Variants in KLHL5 observed in about 807,000 individuals in gnomAD.
KLHL5 encodes the protein kelch-like protein 5.
KLHL5 carries 48 observed loss-of-function variants against 77.7 expected under a neutral mutation model. The ratio of observed to expected loss-of-function variants is 0.62; its 90% CI spans 0.49 to 0.79. The LOEUF (loss-of-function observed/expected upper bound fraction) is 0.79, where lower values mean the gene tolerates loss of function less well. KLHL5 is among the 30% of genes least tolerant of loss of function. KLHL5 has a pLI of 0.00. For synonymous variants in KLHL5, 260 were observed against 297.0 expected, an observed-to-expected ratio of 0.88 and a Z score of 1.28; for missense variants, 723 against 859.7, an observed-to-expected ratio of 0.84 and a Z score of 1.99.
chr4:39,099,449 A>G (rs1286057134), intron 6 of KLHL5, among the ~76,000 whole-genome samples: 1 of 152,042 alleles, frequency 6.6e-6, no homozygotes, highest in African/African-American at 2.4e-5. Flanking sequence ...TCTCCTGACA[A>G]TCTCTCTGAC....
Position 39,121,140 on chromosome 4 carries a change from A to C in KLHL5, c.*74A>C. 1 of 1,133,680 alleles carries C rather than the reference A, an allele frequency of 8.8e-7. No homozygotes were observed. The highest frequency in any genetic ancestry group is 1.3e-6 in the Non-Finnish European group (1 of 751,710). 70.2% of individuals were successfully genotyped at this position (1,133,680 alleles called of 1,614,324 possible). On this transcript the variant is annotated 3_prime_UTR_variant, in exon 11 of 11. Transcript: ENST00000504108. ...TAGTATAATTATTCTATCAATGGAT[A>C]CATTTTTAGTAAATGTGCATTGTCA... is the stretch of plus-strand genomic sequence containing the variant.
In KLHL5 at chr4:39,107,596, ATGCCGTAGG is replaced by A; in HGVS notation, c.1554_1562del (p.Tyr518_Gly521delinsTer). 6.2e-7 allele frequency: 1 copy of A among 1,612,192 alleles called. No homozygotes were observed. Among genetic ancestry groups the A allele is most frequent in the South Asian group, 1.1e-5 (1 of 90,870 alleles). On this transcript the variant is annotated stop_gained and inframe_deletion, in exon 8 of 11. Coordinates refer to ENST00000504108, the MANE Select transcript of KLHL5 (RefSeq NM_015990.5). LOFTEE classifies it high-confidence loss of function. The stretch of plus-strand genomic sequence containing the variant: ...GTGGCTGTACTGGAAGGTCCCATGT[ATGCCGTAGG>A]AGGACATGATGGCTGGAGCTATCTG...
At chr4:39,102,025 C>T (rs1721620576) in intron 6 of KLHL5, among the ~76,000 whole-genome samples, 2 of 147,492 alleles carry the variant, frequency 1.4e-5, no homozygotes, top group African/African-American at 5.0e-5. Context: ...CTTGTCTATC[C>T]CAAATAATTT....
Position 39,112,081 on chromosome 4 carries a change from AT to A in KLHL5, c.1689-938del, listed in dbSNP as rs146695400. On this transcript the variant is annotated intron_variant, in intron 8 of 10. Transcript: ENST00000504108. ...CTCTTTTAAAAAACTAGTAGAAAAA[AT>A]ATTTATGGAAAGCTTCCCAAATGAA... Among the ~76,000 whole-genome samples the A allele has an allele frequency of 2.4e-3, 367 of 152,278 alleles. 3 individuals carry two copies. Among genetic ancestry groups the A allele is most frequent in the African/African-American group, 8.4e-3 (350 of 41,596 alleles).
intron 8 of KLHL5, among the ~76,000 whole-genome samples, chr4:39,111,206 C>G (rs576070740): frequency 3.3e-5 from 5 of 152,278 alleles, no homozygotes; most frequent in Admixed American, 3.3e-4. Context: ...ATTAATTTTT[C>G]TCTGTAAATG....
chr4:39,081,302 A>T lies in KLHL5; in HGVS notation c.703+63A>T. ...TTTATGTTGTATTATTAGATTTCAG[A>T]TTTCTGTTTTTAGAAAGCATGCCAT... On this transcript the variant is annotated intron_variant, in intron 3 of 10. Coordinates refer to ENST00000504108, the MANE Select transcript of KLHL5 (RefSeq NM_015990.5). The surrounding 1 kb of genome is among the most constrained non-coding windows in gnomAD (Gnocchi z 4.3). The T allele has an allele frequency of 7.1e-7, 1 of 1,417,164 alleles. No individual in the cohort carries two copies. Among genetic ancestry groups the T allele is most frequent in the Non-Finnish European group, 9.5e-7 (1 of 1,055,496 alleles). 87.8% of individuals were successfully genotyped at this position (1,417,164 alleles called of 1,614,324 possible). A position where few individuals can be genotyped will look rare whatever the true frequency, so the allele number is the denominator to read the frequency against.
At chr4:39,063,587 T>C (rs1421246891) in intron 1 of KLHL5, 3 of 448,202 alleles carry the variant, frequency 6.7e-6, no homozygotes, top group East Asian at 1.4e-4. Flanking sequence ...CAGACTAATA[T>C]AGAGAATACT....
intron 1 of KLHL5, among the ~76,000 whole-genome samples, chr4:39,047,145 C>T (rs780708277): frequency 5.3e-5 from 8 of 152,164 alleles, no homozygotes; most frequent in Non-Finnish European, 8.8e-5. Flanking sequence ...TAGCTGGGCA[C>T]GGTGGCTCAC....
chr4:39,103,602 C>A (rs1302674574), intron 7 of KLHL5, 91 bp downstream of exon 7: 3 of 977,608 alleles, frequency 3.1e-6, no homozygotes, highest in Non-Finnish European at 4.8e-6. Flanking sequence ...CGTGTGGCAG[C>A]CACTGCGTCA....
intron 9 of KLHL5, among the ~76,000 whole-genome samples, chr4:39,114,271 T>A (rs1427757040): frequency 2.6e-5 from 4 of 152,138 alleles, no homozygotes. Flanking sequence ...TGTGATAACA[T>A]GTTGGAGAAT....
At chr4:39,083,226 T>G (rs1560421677) in intron 4 of KLHL5, among the ~76,000 whole-genome samples, 1 of 152,192 alleles carries the variant, frequency 6.6e-6, no homozygotes, top group Non-Finnish European at 1.5e-5. Flanking sequence ...GCAAGATCAA[T>G]TCTGTCTACT....
At chr4:39,136,057 C>G in the KLHL5 span, among the ~76,000 whole-genome samples, 1,277 of 150,614 alleles carry the variant, frequency 8.5e-3, 128 homozygotes, top group East Asian at 0.21. Flanking sequence ...CCACTATGTT[C>G]TCAGAGCTAA....
chr4:39,101,566 G>T (rs999447914), intron 6 of KLHL5, among the ~76,000 whole-genome samples: 1 of 152,020 alleles, frequency 6.6e-6, no homozygotes, highest in Non-Finnish European at 1.5e-5. Flanking sequence ...CAGAGGTAAA[G>T]GCCGGGCAAA....
At chr4:39,086,769 A>G (rs1720079117) in intron 5 of KLHL5, 42 bp downstream of exon 5, 6 of 1,418,132 alleles carry the variant, frequency 4.2e-6, no homozygotes, top group African/African-American at 1.4e-5. Flanking sequence ...TTCTTTGCCT[A>G]TTCTATCAAA....
intron 10 of KLHL5, among the ~76,000 whole-genome samples, chr4:39,118,380 A>G (rs1036157159): frequency 6.6e-6 from 1 of 151,806 alleles, no homozygotes; most frequent in South Asian, 2.1e-4. Flanking sequence ...AGAAGAGGGT[A>G]GAGAGAGATT....
rs866586111 is a variant in KLHL5, at chr4:39,103,282, T to C, written c.1301-5T>C. ...TTTACATAACTTCTATATATTACTA[T>C]GAAGGAGCAACAAGCATTGAAAAGT... On this transcript the variant is annotated splice_region_variant and splice_polypyrimidine_tract_variant and intron_variant, in intron 6 of 10. Coordinates refer to ENST00000504108, the MANE Select transcript of KLHL5 (RefSeq NM_015990.5). 1 of 1,602,942 alleles carries C rather than the reference T, an allele frequency of 6.2e-7. No homozygotes were observed. Among genetic ancestry groups the C allele is most frequent in the African/African-American group, 1.3e-5 (1 of 74,582 alleles).
chr4:39,142,225 A>T, the KLHL5 span, among the ~76,000 whole-genome samples: 1 of 152,056 alleles, frequency 6.6e-6, no homozygotes, highest in African/African-American at 2.4e-5. Flanking sequence ...TCTTTTAAAA[A>T]TTGATTTATT....
intron 5 of KLHL5, among the ~76,000 whole-genome samples, chr4:39,086,952 C>T (rs1191640464): frequency 2.4e-5 from 3 of 123,564 alleles, no homozygotes; most frequent in Non-Finnish European, 3.3e-5. Context: ...ACTTTGTTGC[C>T]CAGGCTGGAG....
intron 4 of KLHL5, among the ~76,000 whole-genome samples, chr4:39,083,133 G>A (rs918743697): frequency 1.4e-4 from 21 of 152,192 alleles, no homozygotes; most frequent in Admixed American, 1.4e-3. Flanking sequence ...GGGATATGAA[G>A]AGATTGAGAG....
Sources: gnomAD v4.1 joint callset for allele counts (sites outside exome capture counted in the v4.1 genomes callset) on GRCh38, gnomAD v4.1.1 for gene constraint, Gnocchi (gnomAD v3.1) non-coding constraint, MANE v1.5 for transcripts, NCBI Gene and HGNC (gene_info 2026-07-23, HGNC 2026-07-21) for gene names.